Variants in CDH4 observed in about 807,000 individuals in gnomAD.
CDH4 encodes the protein cadherin-4.
A neutral mutation model predicts 86.0 loss-of-function variants in CDH4; 33 were observed. The ratio of observed to expected loss-of-function variants is 0.38; its 90% CI spans 0.29 to 0.51. The LOEUF (loss-of-function observed/expected upper bound fraction) is 0.51, where lower values mean the gene tolerates loss of function less well. Among genes scored for constraint, CDH4 ranks in the 20% least tolerant of loss-of-function variants. CDH4 has a pLI of 0.86. For synonymous variants in CDH4, 555 were observed against 549.4 expected (o/e 1.01, Z -0.14); for missense variants, 1,114 against 1,307.4 (o/e 0.85, Z 2.28).
intron 4 of CDH4, among the ~76,000 whole-genome samples, chr20:61,816,368 T>G (rs552347264): frequency 3.3e-5 from 5 of 152,320 alleles, no homozygotes; most frequent in African/African-American, 1.2e-4. Flanking sequence ...CAGCTGAGAT[T>G]CTTAGGAAAA....
chr20:61,873,869 T>C lies in CDH4; in HGVS notation c.1019T>C (p.Ile340Thr), dbSNP rs763444697. The C allele has an allele frequency of 6.2e-7, 1 of 1,614,032 alleles. No individual in the cohort carries two copies. Among genetic ancestry groups the C allele is most frequent in the Non-Finnish European group, 8.5e-7 (1 of 1,180,014 alleles). Residue 340 changes from isoleucine to threonine, a missense_variant, in exon 7 of 16, where the codon ATC becomes ACC. Coordinates refer to ENST00000614565, the MANE Select transcript of CDH4 (RefSeq NM_001794.5). ...ACCATCAACAGCGAGACTGGAGATA[T>C]CGTCACAGTGGCGGCTGGCCTGGAC... ...MFTINSETGD[I>T]VTVAAGLDRE...
chr20:61,721,798 G>T (rs2088045398), intron 2 of CDH4, among the ~76,000 whole-genome samples: 1 of 152,132 alleles, frequency 6.6e-6, no homozygotes, highest in Non-Finnish European at 1.5e-5. Context: ...TTTTTCCCCA[G>T]CCACAAATTA....
chr20:61,865,085 G>A (rs1983487674), intron 6 of CDH4, among the ~76,000 whole-genome samples: 1 of 152,080 alleles, frequency 6.6e-6, no homozygotes. Flanking sequence ...CCCCTGCCTG[G>A]CCTCTCCCTG....
chr20:61,542,791 C>T (rs2086050358), intron 2 of CDH4, among the ~76,000 whole-genome samples: 1 of 152,178 alleles, frequency 6.6e-6, no homozygotes, highest in Non-Finnish European at 1.5e-5. Context: ...AGAGATGAAT[C>T]TATGAAGGGG....
chr20:61,858,940 G>A (rs535240581), intron 6 of CDH4, among the ~76,000 whole-genome samples: 111 of 152,302 alleles, frequency 7.3e-4, no homozygotes, highest in African/African-American at 2.5e-3. Context: ...GAATGCAATT[G>A]TGGGGTCATC....
intron 6 of CDH4, among the ~76,000 whole-genome samples, chr20:61,859,439 C>A (rs900461645): frequency 2.6e-5 from 4 of 152,200 alleles, no homozygotes; most frequent in African/African-American, 4.8e-5. Context: ...ACGGAGCAGG[C>A]TTCAGCATCA....
At chr20:61,762,047 G>C (rs891102746) in intron 3 of CDH4, among the ~76,000 whole-genome samples, 1 of 152,244 alleles carries the variant, frequency 6.6e-6, no homozygotes, top group Non-Finnish European at 1.5e-5. Flanking sequence ...CCACCCCAGG[G>C]CCCACCTGGC....
intron 2 of CDH4, among the ~76,000 whole-genome samples, chr20:61,562,433 G>A (rs1470921655): frequency 1.3e-5 from 2 of 151,466 alleles, no homozygotes; most frequent in Non-Finnish European, 3.0e-5. Context: ...TGGACCCCAG[G>A]ACTCCCGGAG....
chr20:61,391,180 G>A (rs559847834), intron 2 of CDH4, among the ~76,000 whole-genome samples: 62 of 152,122 alleles, frequency 4.1e-4, no homozygotes, highest in Middle Eastern at 3.4e-3. Context: ...CCCAAGATGT[G>A]CCCACTCTGT....
chr20:61,595,087 C>T (rs1233833293), intron 2 of CDH4, among the ~76,000 whole-genome samples: 2 of 152,232 alleles, frequency 1.3e-5, no homozygotes, highest in African/African-American at 4.8e-5. Context: ...TGTCAGGTCA[C>T]GCAGCCTGTG....
At chr20:61,820,087 G>A (rs1980937125) in intron 4 of CDH4, among the ~76,000 whole-genome samples, 2 of 152,320 alleles carry the variant, frequency 1.3e-5, no homozygotes, top group East Asian at 1.9e-4. Flanking sequence ...GACTCGGGGG[G>A]TCCTGCCTCC....
intron 2 of CDH4, among the ~76,000 whole-genome samples, chr20:61,464,869 A>G (rs2145562694): frequency 6.6e-6 from 1 of 152,370 alleles, no homozygotes; most frequent in South Asian, 2.1e-4. Flanking sequence ...CACTGAGAAC[A>G]AAGAAGCCGG....
intron 2 of CDH4, among the ~76,000 whole-genome samples, chr20:61,528,456 GGGGAGA>G (rs1398405492): frequency 9.5e-6 from 1 of 105,780 alleles, no homozygotes; most frequent in Non-Finnish European, 2.0e-5. Flanking sequence ...GGGGGTGGAG[GGGGAGA>G]GGGAGGGGGA....
At position 61,872,514 on chromosome 20, in the gene CDH4, G is replaced by A. The variant is rs184553066; in HGVS notation, c.878-1214G>A. Among the ~76,000 whole-genome samples the A allele has an allele frequency of 2.0e-3, 309 of 152,184 alleles. 3 individuals are homozygous for A. The highest frequency in any genetic ancestry group is 2.4e-3 in the Non-Finnish European group (166 of 67,984). On this transcript the variant is annotated intron_variant, in intron 6 of 15. Coordinates refer to ENST00000614565, the MANE Select transcript of CDH4 (RefSeq NM_001794.5). ...GAGACTGCCACCCCGCACCTGGCCC[G>A]CCGCATGACCCCAGCCCCGTCAGCC...
chr20:61,816,400 TC>T (rs1466708318), intron 4 of CDH4, among the ~76,000 whole-genome samples: 4 of 152,222 alleles, frequency 2.6e-5, no homozygotes, highest in African/African-American at 9.6e-5. Flanking sequence ...AATTCTATTT[TC>T]CACTTTCTTA....
At chr20:61,877,150 C>T (rs1167861724) in intron 7 of CDH4, among the ~76,000 whole-genome samples, 2 of 152,168 alleles carry the variant, frequency 1.3e-5, no homozygotes, top group Admixed American at 6.5e-5. Flanking sequence ...AGTGCCCAGC[C>T]TCCTGGGCTC....
chr20:61,805,304 G>A lies in CDH4; in HGVS notation c.576+32122G>A, dbSNP rs541409960. Among the ~76,000 whole-genome samples the A allele has an allele frequency of 2.0e-5, 3 of 152,334 alleles. No individual in the cohort carries two copies. The East Asian group carries it at 5.8e-4, about 29-fold the overall frequency. ...GCTGTCCCCAGAAGAGGGGAGAGTG[G>A]ACAGTGGACAGTGAGCAAGCAAAAC... is the stretch of plus-strand genomic sequence containing the variant. On this transcript the variant is annotated intron_variant, in intron 4 of 15. Coordinates refer to ENST00000614565, the MANE Select transcript of CDH4 (RefSeq NM_001794.5).
intron 2 of CDH4, among the ~76,000 whole-genome samples, chr20:61,331,090 C>G (rs934501506): frequency 1.1e-4 from 16 of 152,100 alleles, no homozygotes; most frequent in Admixed American, 1.0e-3. Flanking sequence ...TCCACAGCCA[C>G]CCCACGTGTG....
At chr20:61,761,768 A>T (rs965475021) in intron 3 of CDH4, among the ~76,000 whole-genome samples, 1 of 152,170 alleles carries the variant, frequency 6.6e-6, no homozygotes, top group Non-Finnish European at 1.5e-5. Context: ...GGGCTCCGGG[A>T]CCTACATAGG....
Sources: allele counts gnomAD v4.1 joint callset (sites outside exome capture counted in the v4.1 genomes callset), GRCh38; gene constraint gnomAD v4.1.1; transcripts MANE v1.5; gene names NCBI Gene and HGNC (gene_info 2026-07-23, HGNC 2026-07-21).